Variants in SGMS1 observed in about 807,000 individuals in gnomAD.
SGMS1 encodes the protein phosphatidylcholine:ceramide cholinephosphotransferase 1.
Under a neutral mutation model 46.2 loss-of-function variants are expected in SGMS1, and 13 were observed. The observed-to-expected ratio is 0.28, with a 90% CI of 0.18 to 0.45. The LOEUF (loss-of-function observed/expected upper bound fraction) is 0.45. Ranked by LOEUF, SGMS1 falls within the 20% of genes least tolerant of loss-of-function variation. SGMS1 has a pLI of 1.00. For synonymous variants in SGMS1, 203 were observed against 187.8 expected, an observed-to-expected ratio of 1.08 and a Z score of -0.66; for missense variants, 324 against 519.9, an observed-to-expected ratio of 0.62 and a Z score of 3.66.
intron 6 of SGMS1, among the ~76,000 whole-genome samples, chr10:50,406,324 C>T (rs1047181346): frequency 2.6e-5 from 4 of 152,288 alleles, no homozygotes; most frequent in East Asian, 1.9e-4. Context: ...AGACTCCTGT[C>T]GGATGTGCAG....
At chr10:50,485,433 G>A (rs538792443) in intron 3 of SGMS1, among the ~76,000 whole-genome samples, 4 of 152,192 alleles carry the variant, frequency 2.6e-5, no homozygotes, top group Non-Finnish European at 5.9e-5. Flanking sequence ...CATGCTCATG[G>A]ATAGGAAGAA....
chr10:50,565,449 G>A (rs1838279527), intron 2 of SGMS1, among the ~76,000 whole-genome samples: 1 of 152,134 alleles, frequency 6.6e-6, no homozygotes, highest in African/African-American at 2.4e-5. Context: ...CCTTTGGGGT[G>A]GAGATTGGGA....
intron 6 of SGMS1, among the ~76,000 whole-genome samples, chr10:50,377,265 C>A (rs1459947399): frequency 6.6e-6 from 1 of 152,166 alleles, no homozygotes; most frequent in East Asian, 1.9e-4. Context: ...GAGAGCCAAA[C>A]TGGCTTTTAT....
intron 3 of SGMS1, among the ~76,000 whole-genome samples, chr10:50,472,659 C>T (rs912473059): frequency 2.6e-5 from 4 of 152,136 alleles, no homozygotes; most frequent in African/African-American, 4.8e-5. Context: ...ATCTCTTCTA[C>T]ATTCAGATCA....
At chr10:50,533,143 G>A (rs554936237) in intron 2 of SGMS1, among the ~76,000 whole-genome samples, 1 of 152,260 alleles carries the variant, frequency 6.6e-6, no homozygotes, top group Admixed American at 6.5e-5. Flanking sequence ...GTGGACTAAT[G>A]TTTCCATATA....
At chr10:50,409,014 T>C (rs73332903) in intron 6 of SGMS1, among the ~76,000 whole-genome samples, 3,112 of 152,358 alleles carry the variant, frequency 0.02, 105 homozygotes, top group African/African-American at 0.069. Flanking sequence ...TCCATTCATT[T>C]TATTCATATA....
intron 2 of SGMS1, among the ~76,000 whole-genome samples, chr10:50,548,937 A>C (rs985352709): frequency 2.0e-5 from 3 of 152,184 alleles, no homozygotes; most frequent in Admixed American, 2.0e-4. Context: ...GCCAACTAAC[A>C]GGAAAAAAAG....
In SGMS1 at chr10:50,311,306, C is replaced by T. The variant is rs755311282; in HGVS notation, c.851G>A (p.Gly284Asp). 6.2e-7 allele frequency: 1 copy of T among 1,613,938 alleles called. No individual in the cohort carries two copies. Among genetic ancestry groups the T allele is most frequent in the South Asian group, 1.1e-5 (1 of 91,064 alleles). The change falls in exon 9 of 11, where the codon GGC becomes GAC. Residue 284 changes from glycine to aspartate, a missense_variant. Physicochemically the swap from Gly to Asp is moderately conservative, Grantham distance 94. Coordinates refer to ENST00000361781, the MANE Select transcript of SGMS1 (RefSeq NM_147156.4). ...GGTAAGTGTTAGCATGACCGTGTGG[C>T]CGCTGTACAGATAGTCCCCACACAT... is the stretch of plus-strand genomic sequence containing the variant. Reference protein sequence around the residue: ...HNMCGDYLYSGHTVMLTLTYL... With the variant: ...HNMCGDYLYSDHTVMLTLTYL...
At chr10:50,556,847 C>A (rs1369205712) in intron 2 of SGMS1, among the ~76,000 whole-genome samples, 1 of 152,192 alleles carries the variant, frequency 6.6e-6, no homozygotes, top group Non-Finnish European at 1.5e-5. Context: ...AAAGCAAGCA[C>A]AGGAAATGCC....
intron 6 of SGMS1, among the ~76,000 whole-genome samples, chr10:50,390,906 G>C (rs1223749467): frequency 6.6e-6 from 1 of 152,112 alleles, no homozygotes; most frequent in Non-Finnish European, 1.5e-5. Context: ...CCTGGTAATG[G>C]TCACAGCCTG....
At chr10:50,314,402 T>C (rs1002861903) in intron 8 of SGMS1, among the ~76,000 whole-genome samples, 1 of 152,174 alleles carries the variant, frequency 6.6e-6, no homozygotes, top group Admixed American at 6.5e-5. Context: ...TGATTTGCTG[T>C]GTGACCTTAT....
At chr10:50,480,926 C>T (rs1042866095) in intron 3 of SGMS1, among the ~76,000 whole-genome samples, 2 of 151,936 alleles carry the variant, frequency 1.3e-5, no homozygotes, top group East Asian at 3.9e-4. Context: ...TTAGGTGAGA[C>T]CCAGATCCAT....
At chr10:50,570,160 G>T (rs1309557413) in intron 2 of SGMS1, among the ~76,000 whole-genome samples, 1 of 152,176 alleles carries the variant, frequency 6.6e-6, no homozygotes, top group Non-Finnish European at 1.5e-5. Context: ...AAAATAGAAG[G>T]TATTAGCCTC....
chr10:50,327,837 G>A (rs1847554816), intron 7 of SGMS1, among the ~76,000 whole-genome samples: 1 of 152,132 alleles, frequency 6.6e-6, no homozygotes, highest in African/African-American at 2.4e-5. Context: ...TGCCAAGAAC[G>A]AACCTATGGA....
chr10:50,574,861 ACAC>A (rs1425210222), intron 2 of SGMS1, among the ~76,000 whole-genome samples: 32 of 151,792 alleles, frequency 2.1e-4, no homozygotes, highest in African/African-American at 7.7e-4. Context: ...TGATCTGATC[ACAC>A]CACATCATAT....
chr10:50,432,702 A>C (rs548826425), intron 6 of SGMS1, among the ~76,000 whole-genome samples: 1 of 152,364 alleles, frequency 6.6e-6, no homozygotes, highest in African/African-American at 2.4e-5. Flanking sequence ...TTGTGCCAGT[A>C]ACTATACTGT....
At chr10:50,432,223 T>C (rs1281214248) in intron 6 of SGMS1, among the ~76,000 whole-genome samples, 1 of 152,186 alleles carries the variant, frequency 6.6e-6, no homozygotes, top group African/African-American at 2.4e-5. Flanking sequence ...AGCAAGCTGG[T>C]TGTTAAACAC....
At chr10:50,541,217 A>G (rs1299531780) in intron 2 of SGMS1, among the ~76,000 whole-genome samples, 2 of 152,198 alleles carry the variant, frequency 1.3e-5, no homozygotes, top group East Asian at 1.9e-4. Context: ...GTTAAGTTTT[A>G]TAATACTTAT....
rs117540626 is a variant in SGMS1 at position 50,397,377 on chromosome 10, G to A, written c.-232+36099C>T. Among the ~76,000 whole-genome samples, 1,214 of 152,248 alleles carry A rather than the reference G, an allele frequency of 8.0e-3. 8 individuals carry two copies. Among genetic ancestry groups the A allele is most frequent in the Admixed American group, 0.015 (227 of 15,296 alleles). On this transcript the variant is annotated intron_variant, in intron 6 of 10. Coordinates refer to ENST00000361781, the MANE Select transcript of SGMS1 (RefSeq NM_147156.4). ...AAAGCAAGATGAAGATGTTAAAGAG[G>A]ACAGAAGAAACCAAGTATGGTTAGC...
Sources: gnomAD v4.1 joint callset for allele counts (sites outside exome capture counted in the v4.1 genomes callset) on GRCh38, gnomAD v4.1.1 for gene constraint, MANE v1.5 for transcripts, NCBI Gene and HGNC (gene_info 2026-07-23, HGNC 2026-07-21) for gene names.